Variants in RSPO4 observed in about 807,000 individuals in gnomAD.
RSPO4 encodes the protein R-spondin 4.
In RSPO4, 23 loss-of-function variants were observed where a neutral mutation model predicts 24.8. That is an observed-to-expected ratio of 0.93 (90% CI 0.67 to 1.31). The LOEUF is 1.31. Ranked by LOEUF, RSPO4 falls within the 40% of genes most tolerant of loss-of-function variation. The pLI, the probability that RSPO4 is intolerant of heterozygous loss-of-function variation, is 0.00. For missense variants in RSPO4, 333 were observed against 316.5 expected (o/e 1.05, Z -0.39); for synonymous variants, 141 against 127.4 (o/e 1.11, Z -0.72).
At chr20:998,081 C>T (rs1023734679) in intron 1 of RSPO4, among the ~76,000 whole-genome samples, 8 of 152,294 alleles carry the variant, frequency 5.3e-5, no homozygotes, top group South Asian at 2.1e-4. Context: ...GAAGCACGGA[C>T]GGGAGAAGGC....
chr20:973,790 G>A (rs1467880578), intron 1 of RSPO4, among the ~76,000 whole-genome samples: 1 of 152,162 alleles, frequency 6.6e-6, no homozygotes, highest in East Asian at 1.9e-4. Flanking sequence ...CCACTGGATG[G>A]TGCTTAGCAT....
Position 968,154 on chromosome 20 carries a change from G to A in RSPO4, c.80-16C>T, listed in dbSNP as rs760276917. On this transcript the variant is annotated splice_polypyrimidine_tract_variant and intron_variant, in intron 1 of 4. Coordinates refer to ENST00000217260, the MANE Select transcript of RSPO4 (RefSeq NM_001029871.4). ...CCAGTGCCCACTGCCCACAAGACCA[G>A]GGCAGAAGGAGGGGGAAAGGGAGAG... 1.8e-5 allele frequency: 29 copies of A among 1,612,446 alleles called. No homozygotes were observed. The Admixed American group carries it at 4.8e-4, about 27-fold the overall frequency.
intron 1 of RSPO4, among the ~76,000 whole-genome samples, chr20:976,438 T>G (rs971413233): frequency 2.0e-5 from 3 of 152,206 alleles, no homozygotes; most frequent in African/African-American, 7.2e-5. Flanking sequence ...TTCCTTCTTT[T>G]GGGAATAGGG....
At chr20:960,555 C>T in intron 4 of RSPO4, 89 bp from the exon 5 acceptor site, 4 of 913,050 alleles carry the variant, frequency 4.4e-6, no homozygotes, top group African/African-American at 1.6e-5. Context: ...CAAGGGTGCC[C>T]CACCCACTCC....
At chr20:961,817 C>T (rs916487854) in intron 4 of RSPO4, among the ~76,000 whole-genome samples, 1 of 151,918 alleles carries the variant, frequency 6.6e-6, no homozygotes, top group African/African-American at 2.4e-5. Flanking sequence ...ACACACTCAC[C>T]CACCTATTCA....
intron 1 of RSPO4, among the ~76,000 whole-genome samples, chr20:973,232 A>G (rs1289151132): frequency 1.3e-5 from 2 of 152,218 alleles, no homozygotes; most frequent in Non-Finnish European, 2.9e-5. Context: ...ATTGAAGCCC[A>G]CAGAAGTGAC....
chr20:960,427 C>T lies in RSPO4; in HGVS notation c.635G>A (p.Arg212His), dbSNP rs765335066. 34 of 1,539,626 alleles carry T rather than the reference C, an allele frequency of 2.2e-5. No individual in the cohort carries two copies. The highest frequency in any genetic ancestry group is 2.6e-5 in the Non-Finnish European group (30 of 1,147,424). Residue 212 changes from arginine to histidine, a missense_variant, in exon 5 of 5, where the codon CGC (arginine) becomes CAC (histidine). By Grantham distance (29) the Arg-to-His change is conservative (BLOSUM62 0). Transcript: ENST00000217260. ...GTCCAGCTTCCTGTCCTTGCGTGGGCGCCGGTCCTTCCTGCCCTTCTTCTG... is the reference window on the plus strand; with the variant it reads ...GTCCAGCTTCCTGTCCTTGCGTGGGTGCCGGTCCTTCCTGCCCTTCTTCTG... ...PGQKKGRKDR[R>H]PRKDRKLDRR... is the part of the protein sequence containing the mutation.
At chr20:994,238 T>C (rs1032710864) in intron 1 of RSPO4, among the ~76,000 whole-genome samples, 1 of 152,208 alleles carries the variant, frequency 6.6e-6, no homozygotes, top group Non-Finnish European at 1.5e-5. Flanking sequence ...AGAAAAAATA[T>C]GTTTTGGGGA....
chr20:992,263 C>CTTTTTTTT (rs35286852), intron 1 of RSPO4, among the ~76,000 whole-genome samples: 1 of 123,502 alleles, frequency 8.1e-6, no homozygotes, highest in South Asian at 2.6e-4. Context: ...GGTCCACTTT[C>CTTTTTTTT]TTTTTTTTTT....
Position 981,704 on chromosome 20 carries a change from T to A in RSPO4, c.80-13566A>T, listed in dbSNP as rs1984740136. Among the ~76,000 whole-genome samples, 1 of 152,190 alleles carries A rather than the reference T, an allele frequency of 6.6e-6. No individual in the cohort carries two copies. Among genetic ancestry groups the A allele is most frequent in the Non-Finnish European group, 1.5e-5 (1 of 68,008 alleles). On this transcript the variant is annotated intron_variant, in intron 1 of 4. Coordinates refer to ENST00000217260, the MANE Select transcript of RSPO4 (RefSeq NM_001029871.4). The surrounding 1 kb of genome is among the most constrained non-coding windows in gnomAD (Gnocchi z 4.6). ...GGTTCATGTGTGCCCGACATGTGTG[T>A]GTTTGGGGGACAGGGGCAGGTATGT...
At chr20:991,564 A>G (rs1985102246) in intron 1 of RSPO4, among the ~76,000 whole-genome samples, 1 of 152,196 alleles carries the variant, frequency 6.6e-6, no homozygotes, top group South Asian at 2.1e-4. Context: ...AAAGTGAAAA[A>G]ATAAAATTTA....
At chr20:983,501 A>T (rs1984807136) in intron 1 of RSPO4, among the ~76,000 whole-genome samples, 1 of 152,136 alleles carries the variant, frequency 6.6e-6, no homozygotes. Context: ...CTACTTCTAG[A>T]GGCAGCCTCT....
chr20:997,023 C>G (rs1358615942), intron 1 of RSPO4, among the ~76,000 whole-genome samples: 1 of 152,210 alleles, frequency 6.6e-6, no homozygotes, highest in Non-Finnish European at 1.5e-5. Flanking sequence ...GGCTTCGGAG[C>G]CTCCAAAACT....
intron 1 of RSPO4, among the ~76,000 whole-genome samples, chr20:996,538 G>A (rs148966870): frequency 1.5e-4 from 23 of 152,288 alleles, no homozygotes; most frequent in African/African-American, 2.2e-4. Context: ...TCTCATTGAC[G>A]GATCTCAAGA....
chr20:969,146 T>C (rs897150369), intron 1 of RSPO4, among the ~76,000 whole-genome samples: 1 of 152,150 alleles, frequency 6.6e-6, no homozygotes, highest in Non-Finnish European at 1.5e-5. Context: ...CGAGGCCCTG[T>C]CTCTACAAAA....
At chr20:1,000,644 C>T (rs1985432020) in intron 1 of RSPO4, among the ~76,000 whole-genome samples, 1 of 152,204 alleles carries the variant, frequency 6.6e-6, no homozygotes, top group Non-Finnish European at 1.5e-5. Context: ...GGCAAAGTGA[C>T]TTATCCAAAG....
intron 1 of RSPO4, among the ~76,000 whole-genome samples, chr20:973,628 A>G (rs749336167): frequency 1.4e-4 from 21 of 151,970 alleles, no homozygotes; most frequent in African/African-American, 5.1e-4. Context: ...CACCCCCACC[A>G]AGCCTAGCTA....
chr20:985,220 TCCAC>T (rs887883901), intron 1 of RSPO4, among the ~76,000 whole-genome samples: 1 of 127,948 alleles, frequency 7.8e-6, no homozygotes, highest in Non-Finnish European at 1.6e-5. Flanking sequence ...CATCCATCCA[TCCAC>T]CCACCCATAT....
rs902337021 is a variant in RSPO4 at position 985,286 on chromosome 20, T to C, written c.79+16800A>G. ...CCATCCATCCACCCACCCACTCATC[T>C]ATCCATCCATCCATCCATCTATCCA... On this transcript the variant is annotated intron_variant, in intron 1 of 4. Coordinates refer to ENST00000217260, the MANE Select transcript of RSPO4 (RefSeq NM_001029871.4). 3.8e-4 allele frequency among the ~76,000 whole-genome samples: 49 copies of C among 130,524 alleles called. 1 individual carries two copies. In the East Asian group the frequency reaches 0.011, roughly 30 times the overall value. 85.6% of individuals were successfully genotyped at this position (130,524 alleles called of 152,430 possible). A position where few individuals can be genotyped will look rare whatever the true frequency, so the allele number is the denominator to read the frequency against.
Sources: allele counts gnomAD v4.1 joint callset (sites outside exome capture counted in the v4.1 genomes callset), GRCh38; gene constraint gnomAD v4.1.1; non-coding constraint Gnocchi (gnomAD v3.1); transcripts MANE v1.5; gene names NCBI Gene and HGNC (gene_info 2026-07-23, HGNC 2026-07-21).